Variants in SMCHD1 observed in about 807,000 individuals in gnomAD.
SMCHD1 encodes structural maintenance of chromosomes flexible hinge domain containing 1.
In SMCHD1, 78 loss-of-function variants were observed where a neutral mutation model predicts 254.7. The observed-to-expected ratio is 0.31, with a 90% CI of 0.26 to 0.37. SMCHD1 has a LOEUF of 0.37. Among genes scored for constraint, SMCHD1 ranks in the 10% least tolerant of loss-of-function variants. SMCHD1 has a pLI of 1.00. For missense variants in SMCHD1, 1,840 were observed against 2,408.1 expected (o/e 0.76, Z 4.94); for synonymous variants, 766 against 794.9 (o/e 0.96, Z 0.61).
At chr18:2,681,867 A>C (rs1374174035) in intron 5 of SMCHD1, among the ~76,000 whole-genome samples, 1 of 152,226 alleles carries the variant, frequency 6.6e-6, no homozygotes, top group East Asian at 1.9e-4. Flanking sequence ...AATATGAATA[A>C]GTAAAAATGC....
intron 5 of SMCHD1, among the ~76,000 whole-genome samples, chr18:2,678,257 C>T (rs28414609): frequency 2.4e-3 from 240 of 99,056 alleles, no homozygotes; most frequent in African/African-American, 7.7e-3. Flanking sequence ...CTTTCTTTCT[C>T]TCTCTCTCTC....
intron 5 of SMCHD1, among the ~76,000 whole-genome samples, chr18:2,677,013 C>A (rs903691995): frequency 6.6e-6 from 1 of 152,048 alleles, no homozygotes; most frequent in African/African-American, 2.4e-5. Context: ...ATGATAGTTT[C>A]CCTAGCTTTT....
At chr18:2,790,464 C>T (rs2076302185) in intron 45 of SMCHD1, among the ~76,000 whole-genome samples, 1 of 151,784 alleles carries the variant, frequency 6.6e-6, no homozygotes, top group Admixed American at 6.6e-5. Flanking sequence ...ATGTATAGGA[C>T]AAAACACAGT....
chr18:2,795,597 C>T lies in SMCHD1; in HGVS notation c.5720-352C>T, dbSNP rs1312363540. On this transcript the variant is annotated intron_variant, in intron 45 of 47. Coordinates refer to ENST00000320876, the MANE Select transcript of SMCHD1 (RefSeq NM_015295.3). The stretch of plus-strand genomic sequence containing the variant: ...CAATATTTAATGTATTTGCCTTCTC[C>T]CTGCAAAATTTGTCCACATGGAATT... Among the ~76,000 whole-genome samples, 5 of 152,172 alleles carry T rather than the reference C, an allele frequency of 3.3e-5. No individual in the cohort carries two copies. In the East Asian group the frequency reaches 9.6e-4, roughly 29 times the overall value.
chr18:2,678,270 TCTCC>T (rs1568115559), intron 5 of SMCHD1, among the ~76,000 whole-genome samples: 10 of 102,924 alleles, frequency 9.7e-5, no homozygotes, highest in African/African-American at 1.1e-4. Context: ...TCTCTCTCTC[TCTCC>T]CTCTCTCTCT....
chr18:2,681,825 A>G (rs140733763), intron 5 of SMCHD1, among the ~76,000 whole-genome samples: 1 of 152,294 alleles, frequency 6.6e-6, no homozygotes, highest in African/African-American at 2.4e-5. Flanking sequence ...CCCATCAATT[A>G]AAAGGCTCTC....
At chr18:2,780,976 G>A (rs115338624) in intron 44 of SMCHD1, among the ~76,000 whole-genome samples, 1 of 152,224 alleles carries the variant, frequency 6.6e-6, no homozygotes, top group Admixed American at 6.5e-5. Context: ...GATTCTAAGT[G>A]GAAGTGGGAA....
At chr18:2,656,564 G>A (rs1465032538) in intron 1 of SMCHD1, among the ~76,000 whole-genome samples, 1 of 152,246 alleles carries the variant, frequency 6.6e-6, no homozygotes, top group African/African-American at 2.4e-5. Flanking sequence ...CCCTGGGCGA[G>A]CTTAGCCCGG....
At chr18:2,710,090 T>A (rs980998035) in intron 17 of SMCHD1, among the ~76,000 whole-genome samples, 5 of 152,212 alleles carry the variant, frequency 3.3e-5, no homozygotes, top group African/African-American at 1.2e-4. Context: ...TAACTTCTTT[T>A]TATATGGAAA....
chr18:2,691,757 A>G (rs970325696), intron 7 of SMCHD1: 1 of 152,226 alleles, frequency 6.6e-6, no homozygotes, highest in South Asian at 2.1e-4. Flanking sequence ...TCCTGGAGGG[A>G]TGCTGCAACA....
chr18:2,784,332 T>G, intron 44 of SMCHD1, 118 bp from the exon 45 acceptor site: 2 of 864,894 alleles, frequency 2.3e-6, no homozygotes, highest in Non-Finnish European at 3.4e-6. Context: ...TTACTAAGTT[T>G]TTGAAAATAC....
At chr18:2,781,990 A>G (rs1225607456) in intron 44 of SMCHD1, among the ~76,000 whole-genome samples, 1 of 152,220 alleles carries the variant, frequency 6.6e-6, no homozygotes, top group Non-Finnish European at 1.5e-5. Context: ...AAAGATACCA[A>G]TACTAGTTTT....
In SMCHD1 at chr18:2,719,099, A is replaced by G. The variant is rs564249564; in HGVS notation, c.2458+665A>G. Reference sequence around the variant, plus strand: ...TAGCATAGGCCTGTTTTTATCTAGTATCATCCAGCCATGTACCTCGTATAC... The same window carrying G: ...TAGCATAGGCCTGTTTTTATCTAGTGTCATCCAGCCATGTACCTCGTATAC... On this transcript the variant is annotated intron_variant, in intron 19 of 47. Coordinates refer to ENST00000320876, the MANE Select transcript of SMCHD1 (RefSeq NM_015295.3). Among the ~76,000 whole-genome samples the G allele has an allele frequency of 2.1e-4, 31 of 151,182 alleles. No homozygotes were observed. The East Asian group carries it at 2.3e-3, about 11-fold the overall frequency.
chr18:2,793,521 T>C (rs1409732429), intron 45 of SMCHD1, among the ~76,000 whole-genome samples: 2 of 151,222 alleles, frequency 1.3e-5, no homozygotes, highest in African/African-American at 2.4e-5. Flanking sequence ...AAAAATCAGC[T>C]GGGTGTGGTG....
At chr18:2,775,067 AAT>A (rs1491281622) in intron 41 of SMCHD1, among the ~76,000 whole-genome samples, 8 of 128,118 alleles carry the variant, frequency 6.2e-5, no homozygotes, top group African/African-American at 1.8e-4. Flanking sequence ...CAAAAGGAAC[AAT>A]TTTTTTTTTT....
intron 28 of SMCHD1, among the ~76,000 whole-genome samples, chr18:2,741,968 T>C (rs987417017): frequency 2.0e-5 from 3 of 152,204 alleles, no homozygotes; most frequent in Non-Finnish European, 4.4e-5. Context: ...CTCCATTTTA[T>C]AGTAAAACTC....
intron 27 of SMCHD1, among the ~76,000 whole-genome samples, chr18:2,739,982 G>A (rs935072762): frequency 3.3e-5 from 5 of 150,612 alleles, no homozygotes; most frequent in African/African-American, 9.8e-5. Flanking sequence ...TGTGCAGAAC[G>A]TGCAGGTTTG....
chr18:2,772,738 C>G (rs2076005428), intron 41 of SMCHD1, among the ~76,000 whole-genome samples: 1 of 152,202 alleles, frequency 6.6e-6, no homozygotes, highest in Non-Finnish European at 1.5e-5. Context: ...TCAAGTGATC[C>G]TTCTGCCTCA....
At chr18:2,672,989 C>A in intron 3 of SMCHD1, 1 of 790,620 alleles carries the variant, frequency 1.3e-6, no homozygotes, top group Non-Finnish European at 1.5e-6. Flanking sequence ...TTCTGTTTGT[C>A]TCTTAATGTC....
Sources: gnomAD v4.1 joint callset for allele counts (sites outside exome capture counted in the v4.1 genomes callset) on GRCh38, gnomAD v4.1.1 for gene constraint, MANE v1.5 for transcripts, NCBI Gene and HGNC (gene_info 2026-07-23, HGNC 2026-07-21) for gene names.